Variants in COL24A1 observed in about 807,000 individuals in gnomAD.
COL24A1 encodes collagen type XXIV alpha 1 chain.
A neutral mutation model predicts 253.9 loss-of-function variants in COL24A1; 224 were observed. The ratio of observed to expected loss-of-function variants is 0.88; its 90% CI spans 0.79 to 0.99. COL24A1 has a LOEUF of 0.99. COL24A1 is among the 50% of genes least tolerant of loss of function. The pLI is 0.00. For missense variants in COL24A1, 2,131 were observed against 2,068.5 expected, an observed-to-expected ratio of 1.03 and a Z score of -0.59; for synonymous variants, 685 against 673.7, an observed-to-expected ratio of 1.02 and a Z score of -0.26.
intron 24 of COL24A1, among the ~76,000 whole-genome samples, chr1:85,955,414 G>A (rs1049833047): frequency 1.3e-5 from 2 of 152,216 alleles, no homozygotes; most frequent in African/African-American, 2.4e-5. Context: ...CTGTCTTTGC[G>A]ATAAGGCAGA....
chr1:86,011,817 T>C (rs1035548311), intron 19 of COL24A1, among the ~76,000 whole-genome samples: 39 of 152,214 alleles, frequency 2.6e-4, no homozygotes, highest in Non-Finnish European at 5.0e-4. Context: ...TGTGATCTTA[T>C]ACCTTACTGG....
At chr1:85,845,229 G>A (rs1677038471) in intron 39 of COL24A1, among the ~76,000 whole-genome samples, 1 of 151,654 alleles carries the variant, frequency 6.6e-6, no homozygotes, top group Non-Finnish European at 1.5e-5. Context: ...AATCTATGAA[G>A]GAATTTTCTT....
chr1:85,945,013 T>TG lies in COL24A1; in HGVS notation c.2562+16235_2562+16236insC, dbSNP rs1558752212. On this transcript the variant is annotated intron_variant, in intron 24 of 59. Transcript: ENST00000370571. ...CAGTCTATCATTGTGTTTTTTTTTTTTTTTTTTTTTTTTTTTTTTTTTGAG... is the reference window on the plus strand; with the variant it reads ...CAGTCTATCATTGTGTTTTTTTTTTTGTTTTTTTTTTTTTTTTTTTTTTGAG... 1.1e-3 allele frequency among the ~76,000 whole-genome samples: 89 copies of TG among 79,324 alleles called. 2 individuals carry two copies. Among genetic ancestry groups the TG allele is most frequent in the Admixed American group, 5.1e-3 (33 of 6,514 alleles). 52.0% of individuals were successfully genotyped at this position (79,324 alleles called of 152,430 possible).
In COL24A1 at chr1:85,875,180, C is replaced by A. The variant is rs1680992910; in HGVS notation, c.3084+97G>T. The stretch of plus-strand genomic sequence containing the variant: ...GTTTTTATCTGGGGGCTTCCACCTG[C>A]TTTCAAGTTAGCAAATATAGGGGAT... On this transcript the variant is annotated intron_variant, in intron 34 of 59. Coordinates refer to ENST00000370571, the MANE Select transcript of COL24A1 (RefSeq NM_152890.7). 3 of 1,063,278 alleles carry A rather than the reference C, an allele frequency of 2.8e-6. No homozygotes were observed. The South Asian group carries it at 4.0e-5, about 14-fold the overall frequency. 65.9% of individuals were successfully genotyped at this position (1,063,278 alleles called of 1,614,324 possible).
chr1:86,078,749 T>C (rs560817079), intron 7 of COL24A1, among the ~76,000 whole-genome samples: 65 of 151,946 alleles, frequency 4.3e-4, no homozygotes, highest in South Asian at 8.3e-4. Flanking sequence ...ATTAACCAAA[T>C]AAGTAAAAGA....
chr1:85,854,657 A>G (rs2102375844), intron 37 of COL24A1, among the ~76,000 whole-genome samples: 2 of 151,438 alleles, frequency 1.3e-5, no homozygotes, highest in Non-Finnish European at 2.9e-5. Context: ...AGTGTCTTGT[A>G]ATTCTAATTG....
At chr1:86,020,363 GC>G (rs1410037684) in intron 18 of COL24A1, among the ~76,000 whole-genome samples, 1 of 152,086 alleles carries the variant, frequency 6.6e-6, no homozygotes, top group Non-Finnish European at 1.5e-5. Context: ...ACCGCACGTG[GC>G]CCTAACTTTC....
At chr1:85,826,566 G>A (rs1430550850) in intron 43 of COL24A1, among the ~76,000 whole-genome samples, 2 of 148,314 alleles carry the variant, frequency 1.3e-5, no homozygotes, top group East Asian at 2.0e-4. Context: ...AGCATGGAAT[G>A]TTCTTCCATT....
intron 24 of COL24A1, among the ~76,000 whole-genome samples, chr1:85,954,475 C>T (rs1035154440): frequency 3.3e-5 from 5 of 152,148 alleles, no homozygotes; most frequent in Admixed American, 6.5e-5. Context: ...TATGACCTGA[C>T]TTTGGACAAG....
intron 24 of COL24A1, among the ~76,000 whole-genome samples, chr1:85,934,019 T>G (rs1032428639): frequency 6.6e-6 from 1 of 152,192 alleles, no homozygotes; most frequent in Non-Finnish European, 1.5e-5. Context: ...GGATCTTTCA[T>G]GAAGTTGCAG....
At position 85,883,281 on chromosome 1, in the gene COL24A1, A is replaced by G. The variant is rs187948623; in HGVS notation, c.2977-6106T>C. On this transcript the variant is annotated intron_variant, in intron 32 of 59. Coordinates refer to ENST00000370571, the MANE Select transcript of COL24A1 (RefSeq NM_152890.7). ...GTCATCCAGGCTGGAGTGTAGTGGC[A>G]TGATCTCGGTGCACTGCAAACTCTG... Among the ~76,000 whole-genome samples, 358 of 150,040 alleles carry G rather than the reference A, an allele frequency of 2.4e-3. 5 individuals are homozygous for G. The highest frequency in any genetic ancestry group is 0.022 in the Admixed American group (336 of 15,060).
chr1:85,761,509 A>G lies in COL24A1; in HGVS notation c.4410+22T>C, dbSNP rs377569662. The G allele has an allele frequency of 8.9e-5, 143 of 1,614,086 alleles. 2 individuals are homozygous for G. The Middle Eastern group carries it at 2.3e-3, about 26-fold the overall frequency. On this transcript the variant is annotated intron_variant, in intron 54 of 59. Coordinates refer to ENST00000370571, the MANE Select transcript of COL24A1 (RefSeq NM_152890.7). ...ACATATAAGCATCAATGGTAAACAG[A>G]TATAAATGAAAACCAACTCACTGGA... is the stretch of plus-strand genomic sequence containing the variant.
chr1:85,769,886 C>G (rs1203110101), intron 53 of COL24A1, among the ~76,000 whole-genome samples: 1 of 152,154 alleles, frequency 6.6e-6, no homozygotes, highest in East Asian at 1.9e-4. Flanking sequence ...CATTTGTAAT[C>G]CATCACAGAG....
chr1:85,739,961 A>G (rs1454728895), intron 57 of COL24A1, among the ~76,000 whole-genome samples: 1 of 152,080 alleles, frequency 6.6e-6, no homozygotes, highest in Non-Finnish European at 1.5e-5. Flanking sequence ...CTTCACTTTC[A>G]TCGGGACCTA....
At chr1:85,781,415 A>G (rs537338264) in intron 51 of COL24A1, 142 bp from the exon 52 acceptor site, 7 of 498,526 alleles carry the variant, frequency 1.4e-5, no homozygotes, top group African/African-American at 1.2e-4. Context: ...ATTAGCATAA[A>G]TTACAATAAT....
chr1:85,902,368 C>T lies in COL24A1; in HGVS notation c.2778+4826G>A, dbSNP rs181013308. 2.0e-3 allele frequency among the ~76,000 whole-genome samples: 312 copies of T among 152,276 alleles called. 10 individuals are homozygous for T. In the South Asian group the frequency reaches 0.052, roughly 26 times the overall value. ...TAATGAAGTAACTCATATCTTCCACCTGTTTTACACCCCCTCGCCAATATA... is the reference window on the plus strand; with the variant it reads ...TAATGAAGTAACTCATATCTTCCACTTGTTTTACACCCCCTCGCCAATATA... On this transcript the variant is annotated intron_variant, in intron 28 of 59. Transcript: ENST00000370571.
intron 55 of COL24A1, among the ~76,000 whole-genome samples, chr1:85,756,820 C>T (rs979833657): frequency 6.6e-6 from 1 of 152,112 alleles, no homozygotes; most frequent in Non-Finnish European, 1.5e-5. Flanking sequence ...CGTAAGTGTC[C>T]ATTTGGATAA....
chr1:86,110,775 C>G (rs1571953900), intron 5 of COL24A1, among the ~76,000 whole-genome samples: 1 of 152,194 alleles, frequency 6.6e-6, no homozygotes, highest in African/African-American at 2.4e-5. Flanking sequence ...CAACCGCCTG[C>G]CCGCAGGGCA....
intron 18 of COL24A1, among the ~76,000 whole-genome samples, chr1:86,021,388 G>A (rs574334124): frequency 6.6e-6 from 1 of 152,080 alleles, no homozygotes; most frequent in African/African-American, 2.4e-5. Flanking sequence ...CCCTAAAACA[G>A]TATGGCACAG....
Sources: gnomAD v4.1 joint callset for allele counts (sites outside exome capture counted in the v4.1 genomes callset) on GRCh38, gnomAD v4.1.1 for gene constraint, MANE v1.5 for transcripts, NCBI Gene and HGNC (gene_info 2026-07-23, HGNC 2026-07-21) for gene names.